Variants in MYRIP observed in about 807,000 individuals in gnomAD.
MYRIP encodes the protein myosin VIIA and Rab interacting protein.
Under a neutral mutation model 98.0 loss-of-function variants are expected in MYRIP, and 49 were observed. The observed-to-expected ratio is 0.50, with a 90% confidence interval of 0.40 to 0.63. The LOEUF is 0.63. Among genes scored for constraint, MYRIP ranks in the 30% least tolerant of loss-of-function variants. MYRIP has a pLI of 0.00. For synonymous variants in MYRIP, 404 were observed against 409.5 expected (o/e 0.99, Z 0.16); for missense variants, 1,004 against 1,058.2 (o/e 0.95, Z 0.71).
chr3:39,824,919 T>C (rs1278109885), intron 1 of MYRIP, among the ~76,000 whole-genome samples: 8 of 152,124 alleles, frequency 5.3e-5, no homozygotes. Context: ...GGTCCAACTA[T>C]GTGGCCCAGG....
intron 12 of MYRIP, among the ~76,000 whole-genome samples, chr3:40,242,899 T>C (rs1171038416): frequency 6.6e-6 from 1 of 152,176 alleles, no homozygotes; most frequent in Non-Finnish European, 1.5e-5. Flanking sequence ...AGAAATTTTG[T>C]GATACATTAT....
chr3:40,151,422 C>T (rs78712124), intron 4 of MYRIP, among the ~76,000 whole-genome samples: 1,529 of 152,284 alleles, frequency 0.01, 24 homozygotes, highest in African/African-American at 0.034. Flanking sequence ...CTATGAAGAC[C>T]AAGTACTTCT....
intron 8 of MYRIP, among the ~76,000 whole-genome samples, chr3:40,171,146 A>T (rs540008110): frequency 1.6e-4 from 24 of 152,108 alleles, no homozygotes; most frequent in African/African-American, 5.8e-4. Flanking sequence ...TATGCTCAGC[A>T]CCAAGGAGAA....
At chr3:40,187,322 C>T (rs559303677) in intron 9 of MYRIP, among the ~76,000 whole-genome samples, 5 of 152,300 alleles carry the variant, frequency 3.3e-5, no homozygotes, top group Admixed American at 6.5e-5. Flanking sequence ...CAAGGTCACC[C>T]GCTAGTAAAT....
chr3:39,927,768 T>G (rs992678222), intron 2 of MYRIP, among the ~76,000 whole-genome samples: 2 of 152,030 alleles, frequency 1.3e-5, no homozygotes, highest in Non-Finnish European at 2.9e-5. Flanking sequence ...GTCTCCCTGA[T>G]GCACATAGAT....
chr3:39,831,931 A>G (rs1449708455), intron 1 of MYRIP, among the ~76,000 whole-genome samples: 2 of 152,196 alleles, frequency 1.3e-5, no homozygotes, highest in Non-Finnish European at 2.9e-5. Flanking sequence ...GATAACCTAA[A>G]ATTAAATATT....
At chr3:40,057,661 T>C (rs1158000961) in intron 3 of MYRIP, among the ~76,000 whole-genome samples, 1 of 152,150 alleles carries the variant, frequency 6.6e-6, no homozygotes, top group Non-Finnish European at 1.5e-5. Context: ...CTAAAATATG[T>C]TATCAAAAAG....
At chr3:40,244,874 T>C (rs1036560143) in intron 13 of MYRIP, among the ~76,000 whole-genome samples, 16 of 152,238 alleles carry the variant, frequency 1.1e-4, no homozygotes, top group African/African-American at 3.6e-4. Flanking sequence ...TCCTGACCCA[T>C]ACATAGGTCT....
At chr3:40,145,991 T>C (rs1044430762) in intron 3 of MYRIP, among the ~76,000 whole-genome samples, 1 of 152,184 alleles carries the variant, frequency 6.6e-6, no homozygotes, top group Non-Finnish European at 1.5e-5. Context: ...TCTAGGCACA[T>C]GGGATATAGG....
intron 5 of MYRIP, among the ~76,000 whole-genome samples, chr3:40,165,496 A>G (rs1415114875): frequency 2.0e-5 from 3 of 152,214 alleles, no homozygotes; most frequent in Non-Finnish European, 2.9e-5. Context: ...ATATATGAGT[A>G]GGAGATTATA....
chr3:40,132,671 G>A (rs891224073), intron 3 of MYRIP, among the ~76,000 whole-genome samples: 4 of 152,244 alleles, frequency 2.6e-5, no homozygotes, highest in African/African-American at 9.6e-5. Flanking sequence ...GGGCATGAGA[G>A]TACTACCTAG....
intron 3 of MYRIP, among the ~76,000 whole-genome samples, chr3:40,098,920 C>T (rs7620694): frequency 0.033 from 4,083 of 123,370 alleles, 183 homozygotes; most frequent in African/African-American, 0.11. Flanking sequence ...CATGTGTGTG[C>T]GTGTGTGTGT....
intron 2 of MYRIP, among the ~76,000 whole-genome samples, chr3:39,957,331 T>A (rs1181899567): frequency 6.6e-6 from 1 of 151,580 alleles, no homozygotes; most frequent in Non-Finnish European, 1.5e-5. Flanking sequence ...TTATCTACCA[T>A]GATCAAGTGG....
At chr3:40,234,813 G>T (rs963721754) in intron 12 of MYRIP, among the ~76,000 whole-genome samples, 5 of 151,184 alleles carry the variant, frequency 3.3e-5, no homozygotes, top group African/African-American at 1.2e-4. Flanking sequence ...TGGCCAACAT[G>T]GTGAAACCCT....
intron 4 of MYRIP, among the ~76,000 whole-genome samples, chr3:40,160,841 A>G (rs1027958414): frequency 2.6e-5 from 4 of 152,146 alleles, no homozygotes; most frequent in African/African-American, 4.8e-5. Context: ...GAGTGAGGCA[A>G]TGCCTTGCCC....
intron 3 of MYRIP, among the ~76,000 whole-genome samples, chr3:40,099,509 G>A (rs1028942780): frequency 1.3e-5 from 2 of 152,034 alleles, no homozygotes; most frequent in African/African-American, 4.8e-5. Context: ...GCTAGGGAGT[G>A]GTCACATACT....
intron 3 of MYRIP, among the ~76,000 whole-genome samples, chr3:40,080,080 T>C (rs2125868714): frequency 6.6e-6 from 1 of 152,338 alleles, no homozygotes. Context: ...GGAAATACTG[T>C]TACCATTTCA....
At chr3:40,023,165 C>T (rs2125809093) in intron 2 of MYRIP, among the ~76,000 whole-genome samples, 2 of 152,240 alleles carry the variant, frequency 1.3e-5, no homozygotes, top group South Asian at 4.1e-4. Flanking sequence ...TTGAGGGAGT[C>T]ACTGGTGTCA....
chr3:39,917,712 G>C (rs776457307), intron 2 of MYRIP, among the ~76,000 whole-genome samples: 27 of 125,104 alleles, frequency 2.2e-4, no homozygotes, highest in Non-Finnish European at 3.5e-4. Context: ...GCCTAACTCA[G>C]ACCAGATGAT....
Sources: allele counts gnomAD v4.1 joint callset (sites outside exome capture counted in the v4.1 genomes callset), GRCh38; gene constraint gnomAD v4.1.1; transcripts MANE v1.5; gene names NCBI Gene and HGNC (gene_info 2026-07-23, HGNC 2026-07-21).